The following RAPGEF2 variants were observed in gnomAD, a reference collection of about 807,000 sequenced individuals.
The protein encoded by RAPGEF2 is PDZ domain containing guanine nucleotide exchange factor (GEF) 1.
RAPGEF2 carries 54 observed loss-of-function variants against 186.7 expected under a neutral mutation model. That is an observed-to-expected ratio of 0.29 (90% CI 0.23 to 0.36). RAPGEF2 has a LOEUF of 0.36. Ranked by LOEUF, RAPGEF2 falls within the 10% of genes least tolerant of loss-of-function variation. RAPGEF2 has a pLI of 1.00. For synonymous variants in RAPGEF2, 712 were observed against 705.9 expected (o/e 1.01, Z -0.14); for missense variants, 1,532 against 2,045.0 (o/e 0.75, Z 4.84).
chr4:159,308,899 T>C (rs1763624383), intron 8 of RAPGEF2, among the ~76,000 whole-genome samples: 2 of 152,094 alleles, frequency 1.3e-5, no homozygotes, highest in African/African-American at 4.8e-5. Context: ...TAGAGAGTTT[T>C]AAGGAGAGAG....
chr4:159,225,118 G>A (rs563200367), intron 4 of RAPGEF2, among the ~76,000 whole-genome samples: 23 of 152,286 alleles, frequency 1.5e-4, no homozygotes, highest in Admixed American at 3.9e-4. Context: ...ACCTGAGAAA[G>A]GTTGTAGATA....
chr4:159,121,694 C>T (rs556902707), intron 1 of RAPGEF2, among the ~76,000 whole-genome samples: 1 of 151,558 alleles, frequency 6.6e-6, no homozygotes, highest in South Asian at 2.1e-4. Context: ...GGAGAATTGC[C>T]ACAATTTGAA....
intron 1 of RAPGEF2, among the ~76,000 whole-genome samples, chr4:159,123,217 A>G (rs558967928): frequency 3.3e-5 from 5 of 152,348 alleles, no homozygotes; most frequent in Non-Finnish European, 5.9e-5. Flanking sequence ...TGGCGCCTCT[A>G]ATATCCGAGT....
chr4:159,109,260 G>A (rs1474985653), intron 1 of RAPGEF2, among the ~76,000 whole-genome samples: 1 of 152,146 alleles, frequency 6.6e-6, no homozygotes, highest in Non-Finnish European at 1.5e-5. Flanking sequence ...GGAGGCTGAG[G>A]TGGGAGGATC....
chr4:159,104,051 A>AGTCGCGGGCGG lies in RAPGEF2; in HGVS notation c.-110_-100dup, dbSNP rs1737495559. ...CGCCGCCGCCGCGGTTTGGCTGATTAGTCGCGGGCGGGCGGGCGGGCGCAG... is the reference window on the plus strand; with the variant it reads ...CGCCGCCGCCGCGGTTTGGCTGATTAGTCGCGGGCGGGTCGCGGGCGGGCGGGCGGGCGCAG... On this transcript the variant is annotated 5_prime_UTR_variant, in exon 1 of 30. Transcript: ENST00000691494. 4.4e-6 allele frequency: 2 copies of AGTCGCGGGCGG among 454,232 alleles called. No homozygotes were observed. The highest frequency in any genetic ancestry group is 4.3e-5 in the African/African-American group (2 of 46,644). 28.1% of individuals were successfully genotyped at this position (454,232 alleles called of 1,614,324 possible). A position where few individuals can be genotyped will look rare whatever the true frequency, so the allele number is the denominator to read the frequency against.
At chr4:159,252,110 C>G (rs1275117916) in intron 7 of RAPGEF2, among the ~76,000 whole-genome samples, 2 of 152,104 alleles carry the variant, frequency 1.3e-5, no homozygotes, top group Non-Finnish European at 2.9e-5. Context: ...TGAAGTCAGC[C>G]AGACCAAGAA....
chr4:159,323,420 G>A (rs748952805), intron 10 of RAPGEF2, 39 bp from the exon 11 acceptor site: 88 of 1,523,714 alleles, frequency 5.8e-5, no homozygotes, highest in Non-Finnish European at 7.1e-5. Flanking sequence ...GTATGATCAT[G>A]ATGTTACTTT....
chr4:159,239,395 A>T (rs901572365), intron 5 of RAPGEF2, among the ~76,000 whole-genome samples: 3 of 152,190 alleles, frequency 2.0e-5, no homozygotes, highest in Non-Finnish European at 4.4e-5. Context: ...ATGAGGAATT[A>T]TTTTTTAAAC....
rs1213128896 is a variant in RAPGEF2 at position 159,167,698 on chromosome 4, C to T, written c.70-18944C>T. Among the ~76,000 whole-genome samples the T allele has an allele frequency of 5.3e-5, 8 of 152,080 alleles. No individual in the cohort carries two copies. In the East Asian group the frequency reaches 1.5e-3, roughly 29 times the overall value. ...TCTCTGTTTTGTATGCTAGTGTGTT[C>T]CTGGCATCTAGAATAGAGCTTGACA... On this transcript the variant is annotated intron_variant, in intron 1 of 29. Transcript: ENST00000691494.
intron 1 of RAPGEF2, among the ~76,000 whole-genome samples, chr4:159,111,155 G>A (rs1445210548): frequency 6.6e-6 from 1 of 152,158 alleles, no homozygotes; most frequent in African/African-American, 2.4e-5. Context: ...CCTTGGTGCG[G>A]TGGTGGTGGG....
intron 1 of RAPGEF2, among the ~76,000 whole-genome samples, chr4:159,127,175 C>A (rs781531202): frequency 6.6e-6 from 1 of 152,110 alleles, no homozygotes; most frequent in Non-Finnish European, 1.5e-5. Context: ...TACAGGCACA[C>A]GCCACCACAC....
intron 3 of RAPGEF2, among the ~76,000 whole-genome samples, chr4:159,207,646 A>G (rs1287186286): frequency 1.3e-5 from 2 of 152,204 alleles, no homozygotes; most frequent in African/African-American, 4.8e-5. Context: ...CAGGCCACAT[A>G]GTTAGGAAGT....
At chr4:159,163,401 C>T (rs191358403) in intron 1 of RAPGEF2, among the ~76,000 whole-genome samples, 1 of 151,962 alleles carries the variant, frequency 6.6e-6, no homozygotes, top group African/African-American at 2.4e-5. Context: ...TGGAGAATTA[C>T]TTTGCTTTTC....
chr4:159,352,083 T>C (rs1000886322), intron 26 of RAPGEF2, among the ~76,000 whole-genome samples: 9 of 152,256 alleles, frequency 5.9e-5, no homozygotes, highest in South Asian at 4.1e-4. Context: ...AATGATCTTG[T>C]GAAAAGTGCC....
At chr4:159,205,093 G>T (rs1269884048) in intron 3 of RAPGEF2, among the ~76,000 whole-genome samples, 1 of 152,138 alleles carries the variant, frequency 6.6e-6, no homozygotes, top group African/African-American at 2.4e-5. Context: ...TAATAGAGTT[G>T]TACTTTTTTT....
At chr4:159,110,525 C>T (rs754691868) in intron 1 of RAPGEF2, among the ~76,000 whole-genome samples, 3 of 152,148 alleles carry the variant, frequency 2.0e-5, no homozygotes, top group Non-Finnish European at 4.4e-5. Flanking sequence ...TTGCAGTGAG[C>T]CGAGATTGTG....
chr4:159,209,186 C>T (rs1286661479), intron 3 of RAPGEF2, among the ~76,000 whole-genome samples: 1 of 100,058 alleles, frequency 1.0e-5, no homozygotes, highest in East Asian at 4.0e-4. Context: ...GCCACCATGC[C>T]CAGCCAAAAA....
At chr4:159,245,462 T>A (rs747721342) in intron 7 of RAPGEF2, among the ~76,000 whole-genome samples, 45 of 152,152 alleles carry the variant, frequency 3.0e-4, no homozygotes, top group Admixed American at 1.2e-3. Flanking sequence ...TGGCAGAGGC[T>A]GGAAGATTTG....
intron 17 of RAPGEF2, among the ~76,000 whole-genome samples, chr4:159,335,823 GAGACTCCGTCTC>G (rs1275225962): frequency 1.4e-5 from 2 of 138,278 alleles, no homozygotes; most frequent in Non-Finnish European, 3.1e-5. Flanking sequence ...GTGACAGAGG[GAGACTCCGTCTC>G]AAAAAAAAAA....
Sources: gnomAD v4.1 joint callset for allele counts (sites outside exome capture counted in the v4.1 genomes callset) on GRCh38, gnomAD v4.1.1 for gene constraint, MANE v1.5 for transcripts, NCBI Gene and HGNC (gene_info 2026-07-23, HGNC 2026-07-21) for gene names.